The following DEPDC5 variants were observed in gnomAD, a reference collection of about 807,000 sequenced individuals.
DEPDC5 encodes DEP domain containing 5, GATOR1 subcomplex subunit, also known as GATOR1 complex protein DEPDC5.
A neutral mutation model predicts 217.3 loss-of-function variants in DEPDC5; 73 were observed. That is an observed-to-expected ratio of 0.34 (90% CI 0.28 to 0.41). DEPDC5 has a LOEUF of 0.41. Ranked by LOEUF, DEPDC5 falls within the 10% of genes least tolerant of loss-of-function variation. The pLI, the probability that DEPDC5 is intolerant of heterozygous loss-of-function variation, is 1.00. For synonymous variants in DEPDC5, 733 were observed against 756.7 expected (o/e 0.97, Z 0.51); for missense variants, 1,675 against 2,070.1 (o/e 0.81, Z 3.70).
chr22:31,796,535 T>G (rs2086262136), intron 12 of DEPDC5, among the ~76,000 whole-genome samples: 1 of 152,180 alleles, frequency 6.6e-6, no homozygotes, highest in Admixed American at 6.6e-5. Flanking sequence ...TTTAAGCATA[T>G]CCTTAGTTTT....
At chr22:31,839,404 T>C (rs16989539) in intron 27 of DEPDC5, among the ~76,000 whole-genome samples, 3,359 of 152,214 alleles carry the variant, frequency 0.022, 103 homozygotes, top group African/African-American at 0.078. Flanking sequence ...TCCTCTAAAA[T>C]AAGTCTAACA....
intron 38 of DEPDC5, among the ~76,000 whole-genome samples, chr22:31,889,431 A>G (rs2093388999): frequency 6.6e-6 from 1 of 152,154 alleles, no homozygotes; most frequent in Non-Finnish European, 1.5e-5. Flanking sequence ...GATGGGAGAG[A>G]AGAGATGCAT....
intron 25 of DEPDC5, among the ~76,000 whole-genome samples, chr22:31,835,004 C>T (rs1385233472): frequency 6.6e-6 from 1 of 152,136 alleles, no homozygotes; most frequent in Non-Finnish European, 1.5e-5. Context: ...TATGATAATA[C>T]CTGGTGGGCT....
intron 31 of DEPDC5, among the ~76,000 whole-genome samples, chr22:31,851,672 A>T (rs1602418194): frequency 6.6e-6 from 1 of 152,260 alleles, no homozygotes; most frequent in East Asian, 1.9e-4. Flanking sequence ...CTCCCTGTAG[A>T]GATGTGAGGT....
intron 7 of DEPDC5, among the ~76,000 whole-genome samples, chr22:31,773,456 G>GC (rs1330639633): frequency 6.6e-6 from 1 of 152,130 alleles, no homozygotes; most frequent in East Asian, 1.9e-4. Flanking sequence ...TCTTGGCTCA[G>GC]CCCCCTAGAG....
At chr22:31,905,356 G>A (rs1384711075) in intron 41 of DEPDC5, among the ~76,000 whole-genome samples, 3 of 150,950 alleles carry the variant, frequency 2.0e-5, no homozygotes, top group African/African-American at 4.9e-5. Context: ...GCACATGCCT[G>A]TAATCCCAGC....
chr22:31,780,157 T>C (rs1279754246), intron 8 of DEPDC5, among the ~76,000 whole-genome samples: 2 of 152,130 alleles, frequency 1.3e-5, no homozygotes, highest in African/African-American at 4.8e-5. Flanking sequence ...ATAAGTGAGT[T>C]AGGAGGCCCG....
chr22:31,872,790 T>A (rs890961174), intron 34 of DEPDC5, among the ~76,000 whole-genome samples: 2 of 152,256 alleles, frequency 1.3e-5, no homozygotes, highest in African/African-American at 4.8e-5. Context: ...CTCGCTCTGT[T>A]GCCTAGGCTG....
At chr22:31,800,729 C>T (rs2086779963) in intron 14 of DEPDC5, among the ~76,000 whole-genome samples, 1 of 152,112 alleles carries the variant, frequency 6.6e-6, no homozygotes, top group African/African-American at 2.4e-5. Flanking sequence ...ATAATCCCAG[C>T]ACTTTGGGAG....
chr22:31,847,672 A>G (rs1283346964), intron 31 of DEPDC5, among the ~76,000 whole-genome samples: 2 of 152,164 alleles, frequency 1.3e-5, no homozygotes, highest in East Asian at 3.9e-4. Context: ...TCCCACCTGG[A>G]CCATCCCATG....
intron 41 of DEPDC5, among the ~76,000 whole-genome samples, chr22:31,904,364 A>G (rs978193011): frequency 2.0e-5 from 3 of 152,206 alleles, no homozygotes; most frequent in Admixed American, 6.5e-5. Flanking sequence ...GACCTAAGGA[A>G]GAAATGAGGT....
chr22:31,874,254 T>G lies in DEPDC5; in HGVS notation c.3564-19T>G. ...GGCACACACATCCCCTGCTCCCCGT[T>G]CACCGTGTTGGAACCCAGGACAGGA... On this transcript the variant is annotated intron_variant, in intron 35 of 42. Transcript: ENST00000651528. 4 of 1,602,202 alleles carry G rather than the reference T, an allele frequency of 2.5e-6. No individual in the cohort carries two copies. Among genetic ancestry groups the G allele is most frequent in the Non-Finnish European group, 3.4e-6 (4 of 1,173,806 alleles).
At chr22:31,754,741 A>C in intron 1 of DEPDC5, 121 bp from the exon 2 acceptor site, 1 of 640,422 alleles carries the variant, frequency 1.6e-6, no homozygotes, top group Non-Finnish European at 2.7e-6. Context: ...ACTTCTTCCG[A>C]GAGTCACTTG....
chr22:31,773,774 T>C (rs2083566593), intron 7 of DEPDC5, among the ~76,000 whole-genome samples: 1 of 152,168 alleles, frequency 6.6e-6, no homozygotes, highest in Non-Finnish European at 1.5e-5. Context: ...AATAGTTACA[T>C]AGTTAAGAAC....
In DEPDC5 at chr22:31,802,464, C is replaced by T. The variant is rs142127356; in HGVS notation, c.947-240C>T. On this transcript the variant is annotated intron_variant, in intron 14 of 42. Transcript: ENST00000651528. ...TGAAATTTGAGCATTTAAGGCTGCA[C>T]AGGGCAAGTATGAGGTGTCAATGAG... Among the ~76,000 whole-genome samples, 180 of 152,180 alleles carry T rather than the reference C, an allele frequency of 1.2e-3. 1 individual carries two copies. The highest frequency in any genetic ancestry group is 6.8e-3 in the Middle Eastern group (2 of 294).
chr22:31,900,933 A>C lies in DEPDC5; in HGVS notation c.4376-809A>C, dbSNP rs5998167. Among the ~76,000 whole-genome samples, 449 of 151,144 alleles carry C rather than the reference A, an allele frequency of 3.0e-3. 5 individuals carry two copies. Among genetic ancestry groups the C allele is most frequent in the African/African-American group, 9.9e-3 (408 of 41,136 alleles). ...TCTACAAAAAGATTTAAAAATTAAA[A>C]ATTTTTAAAAATGTAGAAATTAGTT... On this transcript the variant is annotated intron_variant, in intron 40 of 42. Transcript: ENST00000651528.
intron 24 of DEPDC5, among the ~76,000 whole-genome samples, chr22:31,823,953 G>C (rs536101780): frequency 2.4e-4 from 37 of 152,268 alleles, no homozygotes; most frequent in African/African-American, 8.7e-4. Context: ...CAGAGATATT[G>C]TACAAAATGA....
rs548588734 is a variant in DEPDC5, at chr22:31,790,116, G to A, written c.625-1917G>A. ...CTGATTTTGGAGCTCTTGGACTCCC[G>A]TGAATTAATTGGCAGTCAGTGAAGG... On this transcript the variant is annotated intron_variant, in intron 10 of 42. Transcript: ENST00000651528. Among the ~76,000 whole-genome samples, 7 of 152,252 alleles carry A rather than the reference G, an allele frequency of 4.6e-5. No homozygotes were observed. The East Asian group carries it at 9.6e-4, about 21-fold the overall frequency.
intron 38 of DEPDC5, among the ~76,000 whole-genome samples, chr22:31,893,074 C>T (rs1293637469): frequency 1.3e-5 from 2 of 151,944 alleles, no homozygotes; most frequent in African/African-American, 2.4e-5. Flanking sequence ...TGGGGTTTCA[C>T]CATGTTGGCC....
Sources: gnomAD v4.1 joint callset for allele counts (sites outside exome capture counted in the v4.1 genomes callset) on GRCh38, gnomAD v4.1.1 for gene constraint, MANE v1.5 for transcripts, NCBI Gene and HGNC (gene_info 2026-07-23, HGNC 2026-07-21) for gene names.